The following INTS11 variants were observed in gnomAD, a reference collection of about 807,000 sequenced individuals.
The protein encoded by INTS11 is CPSF3-like protein.
INTS11 carries 77 observed loss-of-function variants against 78.6 expected under a neutral mutation model. The ratio of observed to expected loss-of-function variants is 0.98; its 90% CI spans 0.81 to 1.18. The LOEUF is 1.18. Ranked by LOEUF, INTS11 falls within the 50% of genes most tolerant of loss-of-function variation. The probability of loss-of-function intolerance (pLI) is 0.00; values close to 1 mark genes in which losing one functional copy is unlikely to be tolerated. For synonymous variants in INTS11, 441 were observed against 326.9 expected (o/e 1.35, Z -3.77); for missense variants, 875 against 825.9 (o/e 1.06, Z -0.73).
rs557962718 is a variant in INTS11 at position 1,323,153 on chromosome 1, G to A, written c.28+1428C>T. ...CACAGCACAGTGTCCACACCGGGGC[G>A]GGGGGCACCCTCCGAGGAAGCGCTC... On this transcript the variant is annotated intron_variant, in intron 1 of 16. Coordinates refer to ENST00000435064, the MANE Select transcript of INTS11 (RefSeq NM_017871.6). The A allele has an allele frequency of 1.9e-4, 299 of 1,549,064 alleles. 1 individual carries two copies. The highest frequency in any genetic ancestry group is 5.9e-4 in the East Asian group (24 of 40,884).
At position 1,311,873 on chromosome 1, in the gene INTS11, G is replaced by A. The variant is rs769336712; in HGVS notation, c.1789C>T (p.Gln597Ter). The A allele has an allele frequency of 2.6e-6, 4 of 1,561,740 alleles. No individual in the cohort carries two copies. Among genetic ancestry groups the A allele is most frequent in the Non-Finnish European group, 3.5e-6 (4 of 1,153,670 alleles). ...LTSLLKKGLP[Q>*]APS ...AGTTGCCGGCCTCAGCTGGGGGCCT[G>A]GGGGAGGCCCTTCTTCAGCAGAGAT... The change falls in exon 17 of 17, where the codon CAG (glutamine) becomes TAG (stop). Residue 597 changes from glutamine to a stop codon, truncating the protein, a stop_gained. Transcript: ENST00000435064. LOFTEE classifies it high-confidence loss of function.
chr1:1,315,138 C>G (rs1642500429), intron 6 of INTS11, 176 bp from the exon 7 acceptor site: 1 of 804,846 alleles, frequency 1.2e-6, no homozygotes, highest in Admixed American at 2.8e-5. Context: ...AGAGGAGAGA[C>G]AGAGGCACCC....
chr1:1,317,329 G>T, intron 4 of INTS11: 1 of 239,250 alleles, frequency 4.2e-6, no homozygotes, highest in Non-Finnish European at 6.7e-6. Flanking sequence ...AGAAGGCGGA[G>T]GTTCAAGGTG....
Position 1,319,482 on chromosome 1 carries a change from G to GCTGAAGTAGGGGAGTGCCC in INTS11, c.224_242dup (p.Ser81ArgfsTer72). 1.2e-6 allele frequency: 2 copies of GCTGAAGTAGGGGAGTGCCC among 1,604,502 alleles called. No individual in the cohort carries two copies. The highest frequency in any genetic ancestry group is 1.7e-6 in the Non-Finnish European group (2 of 1,174,982). Reference sequence around the variant, plus strand: ...TGGGCCCGTCGTAGCCCACCATCTCGCTGAAGTAGGGGAGTGCCCCGCAGT... The same window carrying GCTGAAGTAGGGGAGTGCCC: ...TGGGCCCGTCGTAGCCCACCATCTCGCTGAAGTAGGGGAGTGCCCCTGAAGTAGGGGAGTGCCCCGCAGT... On this transcript the variant is annotated frameshift_variant, in exon 4 of 17. Transcript: ENST00000435064. LOFTEE classifies it high-confidence loss of function.
At position 1,313,133 on chromosome 1, in the gene INTS11, A is replaced by C; in HGVS notation, c.1042-9T>G. On this transcript the variant is annotated splice_polypyrimidine_tract_variant and intron_variant, in intron 10 of 16. Coordinates refer to ENST00000435064, the MANE Select transcript of INTS11 (RefSeq NM_017871.6). ...TAGCCGGGCATGATGACCTGGGGGC[A>C]GGCACAGAGCTCACAGCCAGGGAAC... The C allele has an allele frequency of 1.9e-6, 3 of 1,603,756 alleles. No individual in the cohort carries two copies. The highest frequency in any genetic ancestry group is 1.7e-5 in the Admixed American group (1 of 59,730).
chr1:1,313,616 G>T lies in INTS11; in HGVS notation c.958-24C>A, dbSNP rs747488263. 27 of 1,612,258 alleles carry T rather than the reference G, an allele frequency of 1.7e-5. No individual in the cohort carries two copies. The South Asian group carries it at 2.2e-4, about 13-fold the overall frequency. On this transcript the variant is annotated intron_variant, in intron 9 of 16. Transcript: ENST00000435064. ...ACCTACAGGACACACAGGGCCAGGT[G>T]GGGGGTCAGGGCAGCAGATGCCCCC...
At position 1,312,213 on chromosome 1, in the gene INTS11, G is replaced by GGGGGGCCGGCCCCCCCCCCCCC; in HGVS notation, c.1607+12_1607+13insGGGGGGGGGGGGGCCGGCCCCC. 1.1e-6 allele frequency: 1 copy of GGGGGGCCGGCCCCCCCCCCCCC among 934,618 alleles called. No individual in the cohort carries two copies. Among genetic ancestry groups the GGGGGGCCGGCCCCCCCCCCCCC allele is most frequent in the Non-Finnish European group, 1.6e-6 (1 of 636,670 alleles). The allele number at this position is 934,618 out of a possible 1,614,324, so 57.9% of individuals were successfully genotyped here. A position where few individuals can be genotyped will look rare whatever the true frequency, so the allele number is the denominator to read the frequency against. Reference sequence around the variant, plus strand: ...CCCAAGGGAGTGGGGGGGGGGCGGGGCCGGGCGCCCACCTCTTGAGGTGGC... The same window carrying GGGGGGCCGGCCCCCCCCCCCCC: ...CCCAAGGGAGTGGGGGGGGGGCGGGGGGGGGCCGGCCCCCCCCCCCCCCCGGGCGCCCACCTCTTGAGGTGGC... On this transcript the variant is annotated intron_variant, in intron 15 of 16. Transcript: ENST00000435064.
In INTS11 at chr1:1,314,754, C is replaced by A; in HGVS notation, c.702+70G>T. On this transcript the variant is annotated intron_variant, in intron 7 of 16. Transcript: ENST00000435064. The surrounding 1 kb of genome is among the most constrained non-coding windows in gnomAD (Gnocchi z 4.2). ...CTGAGACCCTGACCCATGCCAAGGG[C>A]AGCCAAGCCTGCCAGAAAGACCAGC... 1 of 1,550,728 alleles carries A rather than the reference C, an allele frequency of 6.4e-7. No individual in the cohort carries two copies. Among genetic ancestry groups the A allele is most frequent in the Admixed American group, 1.8e-5 (1 of 56,374 alleles).
chr1:1,314,575 G>T lies in INTS11; in HGVS notation c.703-210C>A. 1 of 630,002 alleles carries T rather than the reference G, an allele frequency of 1.6e-6. No individual in the cohort carries two copies. Among genetic ancestry groups the T allele is most frequent in the Non-Finnish European group, 2.7e-6 (1 of 365,268 alleles). The allele number at this position is 630,002 out of a possible 1,614,324, so 39.0% of individuals were successfully genotyped here. On this transcript the variant is annotated intron_variant, in intron 7 of 16. Coordinates refer to ENST00000435064, the MANE Select transcript of INTS11 (RefSeq NM_017871.6). The surrounding 1 kb of genome is among the most constrained non-coding windows in gnomAD (Gnocchi z 4.2). ...GGAGCCGCATGAGAGACAGAAGGGA[G>T]CTGCATGAGAGACAGAAGGAGCCTG...
intron 1 of INTS11, chr1:1,322,734 G>A (rs1643025072): frequency 8.9e-6 from 2 of 224,374 alleles, no homozygotes; most frequent in Non-Finnish European, 1.4e-5. Flanking sequence ...TGGGCAGGGT[G>A]GGTAGGGGGA....
intron 8 of INTS11, 46 bp from the exon 9 acceptor site, chr1:1,313,967 G>T: frequency 2.5e-6 from 4 of 1,580,926 alleles, no homozygotes; most frequent in Non-Finnish European, 3.5e-6. Flanking sequence ...AGGGGAGAAT[G>T]CTGCAGGGCA....
Position 1,312,213 on chromosome 1 carries a change from G to GGGGCCCCCCCCCCCCCCCCCC in INTS11, c.1607+12_1607+13insGGGGGGGGGGGGGGGGGGCCC. On this transcript the variant is annotated intron_variant, in intron 15 of 16. Transcript: ENST00000435064. The stretch of plus-strand genomic sequence containing the variant: ...CCCAAGGGAGTGGGGGGGGGGCGGG[G>GGGGCCCCCCCCCCCCCCCCCC]CCGGGCGCCCACCTCTTGAGGTGGC... 4.3e-6 allele frequency: 4 copies of GGGGCCCCCCCCCCCCCCCCCC among 934,604 alleles called. No homozygotes were observed. The highest frequency in any genetic ancestry group is 6.3e-6 in the Non-Finnish European group (4 of 636,660). 57.9% of individuals were successfully genotyped at this position (934,604 alleles called of 1,614,324 possible). A position where few individuals can be genotyped will look rare whatever the true frequency, so the allele number is the denominator to read the frequency against.
rs1553166752 is a variant in INTS11, at chr1:1,312,198, T to TGGGCG, written c.1607+27_1607+28insCGCCC. 8.8e-5 allele frequency: 95 copies of TGGGCG among 1,078,596 alleles called. 1 individual carries two copies. The highest frequency in any genetic ancestry group is 1.2e-4 in the Non-Finnish European group (95 of 804,864). 66.8% of individuals were successfully genotyped at this position (1,078,596 alleles called of 1,614,324 possible). On this transcript the variant is annotated intron_variant, in intron 15 of 16. Transcript: ENST00000435064. ...GCCTGGCCTCCAGGGCCCAAGGGAG[T>TGGGCG]GGGGGGGGGGCGGGGCCGGGCGCCC...
rs368823893 is a variant in INTS11, at chr1:1,321,150, C to T, written c.29-57G>A. On this transcript the variant is annotated intron_variant, in intron 1 of 16. Coordinates refer to ENST00000435064, the MANE Select transcript of INTS11 (RefSeq NM_017871.6). ...GCGCCCCCCGCCCCCTGTGCTGCCT[C>T]CCCAAGCTCTGCAGGACCCCAGTGC... 1.2e-3 allele frequency: 1,684 copies of T among 1,395,042 alleles called. 30 individuals carry two copies. In the South Asian group the frequency reaches 0.02, roughly 17 times the overall value. The allele number at this position is 1,395,042 out of a possible 1,614,324, so 86.4% of individuals were successfully genotyped here. A position where few individuals can be genotyped will look rare whatever the true frequency, so the allele number is the denominator to read the frequency against.
chr1:1,312,328 A>C lies in INTS11; in HGVS notation c.1505T>G (p.Leu502Arg). 6.4e-7 allele frequency: 1 copy of C among 1,557,076 alleles called. No individual in the cohort carries two copies. The highest frequency in any genetic ancestry group is 1.2e-5 in the South Asian group (1 of 84,532). Residue 502 changes from leucine (L) to arginine (R), a missense_variant, in exon 15 of 17, where the codon CTG becomes CGG. Physicochemically the swap from Leu to Arg is moderately radical, Grantham distance 102. Coordinates refer to ENST00000435064, the MANE Select transcript of INTS11 (RefSeq NM_017871.6). ...LVSSEQALKE[L>R]GLAEHQLRFT... Reference sequence around the variant, plus strand: ...GCGCAGCTGGTGCTCAGCCAGACCCAGCTCTTTGAGGGCTTGCTCTGAGGA... The same window carrying C: ...GCGCAGCTGGTGCTCAGCCAGACCCCGCTCTTTGAGGGCTTGCTCTGAGGA...
intron 4 of INTS11, chr1:1,317,521 A>C: frequency 1.1e-6 from 1 of 882,006 alleles, no homozygotes; most frequent in Non-Finnish European, 1.4e-6. Flanking sequence ...GGAAAGACAA[A>C]CAGATGACGG....
At chr1:1,315,683 C>T (rs901807727) in intron 4 of INTS11, 65 bp from the exon 5 acceptor site, 23 of 298,348 alleles carry the variant, frequency 7.7e-5, no homozygotes, top group African/African-American at 1.2e-4. Context: ...GTGAGGGAGG[C>T]GGGGGACGGG....
intron 1 of INTS11, 127 bp downstream of exon 1, chr1:1,324,454 G>A: frequency 5.3e-6 from 5 of 950,122 alleles, no homozygotes; most frequent in South Asian, 1.6e-5. Flanking sequence ...CCCGCGCGGG[G>A]AGGAGACCGG....
intron 2 of INTS11, 178 bp from the exon 3 acceptor site, chr1:1,320,707 G>A (rs771083880): frequency 3.5e-5 from 26 of 748,030 alleles, no homozygotes; most frequent in Non-Finnish European, 4.6e-5. Flanking sequence ...CGGAGGGGCC[G>A]AGGTTACCCC....
Sources: gnomAD v4.1 joint callset for allele counts on GRCh38, gnomAD v4.1.1 for gene constraint, Gnocchi (gnomAD v3.1) non-coding constraint, MANE v1.5 for transcripts, NCBI Gene and HGNC (gene_info 2026-07-23, HGNC 2026-07-21) for gene names.